SYMPK: variants seen among roughly 807,000 people sequenced by gnomAD.
SYMPK encodes the protein symplekin scaffold protein.
In SYMPK, 49 loss-of-function variants were observed where a neutral mutation model predicts 136.4. The observed-to-expected ratio is 0.36, with a 90% confidence interval of 0.29 to 0.46. The LOEUF (loss-of-function observed/expected upper bound fraction) is 0.46. Among genes scored for constraint, SYMPK ranks in the 20% least tolerant of loss-of-function variants. SYMPK has a pLI of 1.00. For missense variants in SYMPK, 1,365 were observed against 1,690.0 expected (o/e 0.81, Z 3.37); for synonymous variants, 766 against 713.0 (o/e 1.07, Z -1.19).
At chr19:45,815,792 C>T in intron 26 of SYMPK, 59 bp downstream of exon 26, 1 of 1,590,734 alleles carries the variant, frequency 6.3e-7, no homozygotes, top group Non-Finnish European at 8.6e-7. Flanking sequence ...CCTCCTCCCC[C>T]ACCTTCACCC....
chr19:45,815,909 T>A lies in SYMPK; in HGVS notation c.3629A>T (p.Asp1210Val). Residue 1210 changes from aspartate to valine, a missense_variant, in exon 26 of 27, where the codon GAC becomes GTC. By Grantham distance (152) the Asp-to-Val change is radical. Around this residue, in one of 11 missense-constraint regions of SYMPK, gnomAD observed 341 missense variants for 270.5 expected, o/e 1.26. Transcript: ENST00000245934. Reference protein sequence around the residue: ...TPGIFISMDDDSGLTEAALLD... With the variant: ...TPGIFISMDDVSGLTEAALLD... ...CAGCGCGGCCTCGGTCAGCCCCGAG[T>A]CGTCATCCATGCTGATGAAGATGCC... is the stretch of plus-strand genomic sequence containing the variant. The A allele has an allele frequency of 1.2e-6, 2 of 1,611,972 alleles. No homozygotes were observed. Among genetic ancestry groups the A allele is most frequent in the Non-Finnish European group, 1.7e-6 (2 of 1,179,798 alleles).
rs1568604726 is a variant in SYMPK at position 45,816,134 on chromosome 19, GGGGGCCGGGGTGCT to G, written c.3390_3403del (p.Ala1131SerfsTer51). The G allele has an allele frequency of 1.3e-6, 2 of 1,549,904 alleles. No individual in the cohort carries two copies. Among genetic ancestry groups the G allele is most frequent in the South Asian group, 1.2e-5 (1 of 84,696 alleles). On this transcript the variant is annotated frameshift_variant, in exon 26 of 27. Coordinates refer to ENST00000245934, the MANE Select transcript of SYMPK (RefSeq NM_004819.3). LOFTEE classifies it high-confidence loss of function. ...CAGTCGCAGGCCGATGAGGTCCTGA[GGGGGCCGGGGTGCT>G]GGGGCCGGGGCCAAGGTCAGGGGCT...
intron 26 of SYMPK, 30 bp downstream of exon 26, chr19:45,815,821 T>A: frequency 6.2e-7 from 1 of 1,607,680 alleles, no homozygotes; most frequent in African/African-American, 1.3e-5. Flanking sequence ...ATCCGGCTTC[T>A]TCCTTCGCAG....
rs1971364265 is a variant in SYMPK at position 45,838,672 on chromosome 19, T to TATAG, written c.1088-58_1088-57insCTAT. The TATAG allele has an allele frequency of 1.9e-6, 3 of 1,565,266 alleles. No homozygotes were observed. In the African/African-American group the frequency reaches 4.0e-5, roughly 21 times the overall value. On this transcript the variant is annotated intron_variant, in intron 9 of 26. Transcript: ENST00000245934. ...TATAGAGAGAGCTGCAGGCCCTCCA[T>TATAG]CCTTCCGGGGTGCCCGGGTGGTCCC... is the stretch of plus-strand genomic sequence containing the variant.
chr19:45,817,417 C>CTCTTTTTTTTTTT lies in SYMPK; in HGVS notation c.3082-444_3082-443insAAAAAAAAAAAGA, dbSNP rs1568605965. ...CTGCGGGGTTTGGTTTTTTTGTTCT[C>CTCTTTTTTTTTTT]TTTTTTTTTTTTTTTTTTTTTTTTT... On this transcript the variant is annotated intron_variant, in intron 23 of 26. Transcript: ENST00000245934. Among the ~76,000 whole-genome samples, 195 of 108,452 alleles carry CTCTTTTTTTTTTT rather than the reference C, an allele frequency of 1.8e-3. 6 individuals are homozygous for CTCTTTTTTTTTTT. Among genetic ancestry groups the CTCTTTTTTTTTTT allele is most frequent in the South Asian group, 3.4e-3 (11 of 3,252 alleles). The allele number at this position is 108,452 out of a possible 152,430, so 71.1% of individuals were successfully genotyped here. A position where few individuals can be genotyped will look rare whatever the true frequency, so the allele number is the denominator to read the frequency against.
chr19:45,845,984 C>T (rs1372873976), intron 7 of SYMPK, among the ~76,000 whole-genome samples: 1 of 152,212 alleles, frequency 6.6e-6, no homozygotes, highest in African/African-American at 2.4e-5. Context: ...CGCCTGTAAT[C>T]CCAGCACTTT....
chr19:45,824,382 GC>G (rs1177159977), intron 18 of SYMPK, among the ~76,000 whole-genome samples: 2 of 152,150 alleles, frequency 1.3e-5, no homozygotes, highest in East Asian at 3.9e-4. Context: ...GACTGTCTCT[GC>G]CCTCGAGAAG....
In SYMPK at chr19:45,829,059, G is replaced by A. The variant is rs373014308; in HGVS notation, c.1896C>T (p.Ala632=). 2.0e-5 allele frequency: 33 copies of A among 1,614,056 alleles called. 1 individual carries two copies. Among genetic ancestry groups the A allele is most frequent in the East Asian group, 1.8e-4 (8 of 44,872 alleles). ...WLYQEYNAYL[A]AGASGSLDKY... ...TGTCCAGGGAGCCCGAGGCACCTGCGGCCAGGTAGGCGTTGTACTCCTGGT... is the reference window on the plus strand; with the variant it reads ...TGTCCAGGGAGCCCGAGGCACCTGCAGCCAGGTAGGCGTTGTACTCCTGGT... Residue 632 remains alanine, a synonymous_variant, in exon 14 of 27, where the codon GCC becomes GCT. Transcript: ENST00000245934.
Position 45,857,043 on chromosome 19 carries a change from G to A in SYMPK, c.-12-2536C>T, listed in dbSNP as rs531882285. Among the ~76,000 whole-genome samples, 8 of 151,716 alleles carry A rather than the reference G, an allele frequency of 5.3e-5. No individual in the cohort carries two copies. In the South Asian group the frequency reaches 1.7e-3, roughly 32 times the overall value. On this transcript the variant is annotated intron_variant, in intron 1 of 26. Coordinates refer to ENST00000245934, the MANE Select transcript of SYMPK (RefSeq NM_004819.3). Reference sequence around the variant, plus strand: ...TGAGGTGGGAGAATCACTTGAACCTGGGAGGCAGAGGCTGCAGTGAGCTGA... The same window carrying A: ...TGAGGTGGGAGAATCACTTGAACCTAGGAGGCAGAGGCTGCAGTGAGCTGA...
intron 8 of SYMPK, 29 bp from the exon 9 acceptor site, chr19:45,842,518 T>TAAGA: frequency 6.3e-7 from 1 of 1,596,448 alleles, no homozygotes; most frequent in Non-Finnish European, 8.6e-7. Context: ...GAGCTGTGTC[T>TAAGA]TGTGGAAGAT....
chr19:45,847,995 C>T lies in SYMPK; in HGVS notation c.433G>A (p.Val145Ile), dbSNP rs1021648369. The T allele has an allele frequency of 3.2e-6, 5 of 1,579,052 alleles. No individual in the cohort carries two copies. Among genetic ancestry groups the T allele is most frequent in the Non-Finnish European group, 4.3e-6 (5 of 1,156,274 alleles). Residue 145 changes from valine to isoleucine, a missense_variant, in exon 7 of 27, where the codon GTA becomes ATA. Transcript: ENST00000245934. Reference sequence around the variant, plus strand: ...AGCTCGCTAATGACCCGTGACTTTACCATCCACTGCCAGCAGGCCAGGAAG... The same window carrying T: ...AGCTCGCTAATGACCCGTGACTTTATCATCCACTGCCAGCAGGCCAGGAAG... ...QLYKVALQWM[V>I]KSRVISELQE... is the part of the protein sequence containing the mutation.
In SYMPK at chr19:45,821,366, G is replaced by A. The variant is rs202101205; in HGVS notation, c.2893+18C>T. 1.7e-5 allele frequency: 27 copies of A among 1,595,544 alleles called. No homozygotes were observed. The highest frequency in any genetic ancestry group is 8.1e-5 in the African/African-American group (6 of 74,462). ...GTCGCAGGGGCCAGGCCACTGGAGTGGGGGGGAAGCGCCTCACCTTTGATG... is the reference window on the plus strand; with the variant it reads ...GTCGCAGGGGCCAGGCCACTGGAGTAGGGGGGAAGCGCCTCACCTTTGATG... On this transcript the variant is annotated intron_variant, in intron 22 of 26. Coordinates refer to ENST00000245934, the MANE Select transcript of SYMPK (RefSeq NM_004819.3). This position sits in a 1 kb window ranked among gnomAD's most constrained non-coding sequence, Gnocchi z 4.4.
At chr19:45,843,762 C>A (rs768229916) in intron 8 of SYMPK, among the ~76,000 whole-genome samples, 1 of 151,694 alleles carries the variant, frequency 6.6e-6, no homozygotes, top group Non-Finnish European at 1.5e-5. Context: ...CTGGCCAACA[C>A]GGTGAAACCC....
intron 5 of SYMPK, 57 bp downstream of exon 5, chr19:45,852,255 G>A (rs1233734244): frequency 3.1e-6 from 5 of 1,595,368 alleles, no homozygotes; most frequent in Admixed American, 1.7e-5. Flanking sequence ...GCCAGGCCAC[G>A]AGCTGAAGGC....
At position 45,848,131 on chromosome 19, in the gene SYMPK, T is replaced by C. The variant is rs546466002; in HGVS notation, c.427-130A>G. ...ATACATTCATTTGGTTAACAGTTAC[T>C]GAGTTCCAACTCTGCCCCAGCCCAG... On this transcript the variant is annotated intron_variant, in intron 6 of 26. Coordinates refer to ENST00000245934, the MANE Select transcript of SYMPK (RefSeq NM_004819.3). 11 of 1,224,492 alleles carry C rather than the reference T, an allele frequency of 9.0e-6. No individual in the cohort carries two copies. In the East Asian group the frequency reaches 2.5e-4, roughly 28 times the overall value. 75.9% of individuals were successfully genotyped at this position (1,224,492 alleles called of 1,614,324 possible).
chr19:45,848,428 T>C (rs1433864579), intron 6 of SYMPK, among the ~76,000 whole-genome samples: 1 of 152,232 alleles, frequency 6.6e-6, no homozygotes, highest in Non-Finnish European at 1.5e-5. Context: ...CCTCCTTGGG[T>C]TATGAGCACT....
intron 14 of SYMPK, 52 bp downstream of exon 14, chr19:45,828,918 C>A: frequency 3.2e-6 from 5 of 1,565,230 alleles, no homozygotes; most frequent in Non-Finnish European, 4.4e-6. Flanking sequence ...GAGGGCAGCA[C>A]CAGGAGAGGA....
In SYMPK at chr19:45,816,048, C is replaced by T. The variant is rs765568871; in HGVS notation, c.3490G>A (p.Val1164Met). 1.3e-6 allele frequency: 2 copies of T among 1,568,320 alleles called. No homozygotes were observed. The highest frequency in any genetic ancestry group is 1.7e-4 in the Middle Eastern group (1 of 5,964). Residue 1164 changes from valine (V) to methionine (M), a missense_variant, in exon 26 of 27, where the codon GTG (valine) becomes ATG (methionine). This residue lies in a region of SYMPK where 341 missense variants were observed against 270.5 expected (regional missense o/e 1.26). Coordinates refer to ENST00000245934, the MANE Select transcript of SYMPK (RefSeq NM_004819.3). ...GGGGAGGAAGAGGAGGGGGCTCCCA[C>T]TCCTCCCGGCTTCAGCTTCTGTTCC... The part of the protein sequence containing the change: ...EEEQKLKPGG[V>M]GAPSSSSPSP...
rs781582819 is a variant in SYMPK at position 45,827,620 on chromosome 19, G to A, written c.2071C>T (p.Arg691Cys). ...VVRKYCEDES[R>C]TYLGMSTLRD... ...AGTGTGGACATGCCCAGATAGGTGC[G>A]ACTCTGCAGCAAAAGGAAAGGGACC... The change falls in exon 16 of 27, where the codon CGC becomes TGC. Residue 691 changes from arginine (R) to cysteine (C), a missense_variant. Physicochemically the swap from Arg to Cys is radical, Grantham distance 180. Transcript: ENST00000245934. 7.4e-6 allele frequency: 12 copies of A among 1,613,674 alleles called. No individual in the cohort carries two copies. Among genetic ancestry groups the A allele is most frequent in the African/African-American group, 4.0e-5 (3 of 74,908 alleles).
Sources: allele counts gnomAD v4.1 joint callset (sites outside exome capture counted in the v4.1 genomes callset), GRCh38; gene constraint gnomAD v4.1.1; regional missense constraint gnomAD v4.1.1; non-coding constraint Gnocchi (gnomAD v3.1); transcripts MANE v1.5; gene names NCBI Gene and HGNC (gene_info 2026-07-23, HGNC 2026-07-21).